CNTNAP5: variants seen among roughly 807,000 people sequenced by gnomAD.
The protein encoded by CNTNAP5 is contactin-associated protein-like 5.
CNTNAP5 carries 72 observed loss-of-function variants against 150.2 expected under a neutral mutation model. The observed-to-expected ratio is 0.48, with a 90% CI of 0.40 to 0.58. CNTNAP5 has a LOEUF of 0.58. Ranked by LOEUF, CNTNAP5 falls within the 20% of genes least tolerant of loss-of-function variation. The probability of loss-of-function intolerance (pLI) is 0.00; values close to 1 mark genes in which losing one functional copy is unlikely to be tolerated. For missense variants in CNTNAP5, 1,636 were observed against 1,626.2 expected, an observed-to-expected ratio of 1.01 and a Z score of -0.10; for synonymous variants, 672 against 619.8, an observed-to-expected ratio of 1.08 and a Z score of -1.25.
intron 21 of CNTNAP5, among the ~76,000 whole-genome samples, chr2:124,888,038 A>G (rs1002700184): frequency 1.6e-4 from 25 of 152,106 alleles, no homozygotes; most frequent in African/African-American, 6.0e-4. Context: ...ATGATGCTCA[A>G]GTTTGGGATA....
chr2:124,710,183 T>C (rs1679777202), intron 13 of CNTNAP5, among the ~76,000 whole-genome samples: 1 of 152,238 alleles, frequency 6.6e-6, no homozygotes, highest in South Asian at 2.1e-4. Context: ...AGTGGGAATG[T>C]GGGACCCAGT....
At chr2:124,042,985 A>G (rs897377004) in intron 1 of CNTNAP5, among the ~76,000 whole-genome samples, 4 of 152,226 alleles carry the variant, frequency 2.6e-5, no homozygotes, top group Non-Finnish European at 1.5e-5. Context: ...TTAGATAATA[A>G]TCCTGGCTTT....
chr2:124,321,782 T>C (rs993416003), intron 3 of CNTNAP5, among the ~76,000 whole-genome samples: 2 of 152,158 alleles, frequency 1.3e-5, no homozygotes, highest in Non-Finnish European at 2.9e-5. Context: ...TCTTTTAAAA[T>C]ATAAAAAAAT....
intron 1 of CNTNAP5, among the ~76,000 whole-genome samples, chr2:124,202,006 C>T (rs890059296): frequency 6.6e-6 from 1 of 152,056 alleles, no homozygotes; most frequent in African/African-American, 2.4e-5. Flanking sequence ...GAGTCATATA[C>T]ATATTATATG....
intron 1 of CNTNAP5, among the ~76,000 whole-genome samples, chr2:124,074,686 T>A (rs930528147): frequency 6.6e-6 from 1 of 152,106 alleles, no homozygotes; most frequent in Admixed American, 6.6e-5. Flanking sequence ...TCTATATTTC[T>A]GAGTGGAGAA....
At chr2:124,774,611 A>T (rs538189656) in intron 17 of CNTNAP5, among the ~76,000 whole-genome samples, 4 of 152,164 alleles carry the variant, frequency 2.6e-5, no homozygotes, top group East Asian at 1.9e-4. Flanking sequence ...TCACATTTTG[A>T]TGGGTGACTT....
At chr2:124,805,120 G>C (rs1314643255) in intron 19 of CNTNAP5, among the ~76,000 whole-genome samples, 1 of 152,238 alleles carries the variant, frequency 6.6e-6, no homozygotes, top group Non-Finnish European at 1.5e-5. Flanking sequence ...GGGCCTGGAA[G>C]GGACATTACC....
chr2:124,479,703 G>A (rs143400405), intron 7 of CNTNAP5, among the ~76,000 whole-genome samples: 3 of 152,202 alleles, frequency 2.0e-5, no homozygotes, highest in African/African-American at 7.2e-5. Flanking sequence ...ATCACAAAAT[G>A]CCTTTTCTTT....
At chr2:124,233,770 G>A (rs988111971) in intron 2 of CNTNAP5, among the ~76,000 whole-genome samples, 1 of 141,384 alleles carries the variant, frequency 7.1e-6, no homozygotes, top group African/African-American at 2.6e-5. Context: ...GTCCATAGTT[G>A]TGATGCCTGT....
At chr2:124,203,186 CCA>C (rs1685771468) in intron 1 of CNTNAP5, among the ~76,000 whole-genome samples, 1 of 152,110 alleles carries the variant, frequency 6.6e-6, no homozygotes, top group South Asian at 2.1e-4. Flanking sequence ...CCATGCAAGT[CCA>C]AAATCCAGCA....
chr2:124,369,987 G>GA (rs1365784116), intron 3 of CNTNAP5, among the ~76,000 whole-genome samples: 1 of 151,936 alleles, frequency 6.6e-6, no homozygotes, highest in African/African-American at 2.4e-5. Flanking sequence ...AAGGTTGTTG[G>GA]AAAAAAACAG....
At position 124,914,496 on chromosome 2, in the gene CNTNAP5, C is replaced by A. The variant is rs905597447; in HGVS notation, c.*208C>A. On this transcript the variant is annotated 3_prime_UTR_variant, in exon 24 of 24. Transcript: ENST00000682447. Reference sequence around the variant, plus strand: ...GGCCACTGCCTTCCTCTCTGATGAACCTATCGGGTGAAAACGACCACTCAA... The same window carrying A: ...GGCCACTGCCTTCCTCTCTGATGAAACTATCGGGTGAAAACGACCACTCAA... The A allele has an allele frequency of 2.4e-5, 13 of 549,550 alleles. No individual in the cohort carries two copies. The highest frequency in any genetic ancestry group is 1.7e-4 in the African/African-American group (9 of 52,550). 34.0% of individuals were successfully genotyped at this position (549,550 alleles called of 1,614,324 possible).
In CNTNAP5 at chr2:124,649,328, A is replaced by T. The variant is rs372611419; in HGVS notation, c.2077+1370A>T. Among the ~76,000 whole-genome samples, 81 of 152,102 alleles carry T rather than the reference A, an allele frequency of 5.3e-4. 1 individual carries two copies. In the South Asian group the frequency reaches 0.011, roughly 20 times the overall value. On this transcript the variant is annotated intron_variant, in intron 13 of 23. Transcript: ENST00000682447. ...CCTGCCAGAGTCAATGTTTATATTTATGTGTGTTTCTCTCTCCATGTCTGT... is the reference window on the plus strand; with the variant it reads ...CCTGCCAGAGTCAATGTTTATATTTTTGTGTGTTTCTCTCTCCATGTCTGT...
At chr2:124,096,792 C>T (rs1682943947) in intron 1 of CNTNAP5, among the ~76,000 whole-genome samples, 1 of 152,100 alleles carries the variant, frequency 6.6e-6, no homozygotes, top group Non-Finnish European at 1.5e-5. Context: ...CAACCTCCAT[C>T]TCCCGGGTTC....
intron 11 of CNTNAP5, among the ~76,000 whole-genome samples, chr2:124,599,628 A>G (rs1341444656): frequency 6.6e-6 from 1 of 152,222 alleles, no homozygotes; most frequent in Non-Finnish European, 1.5e-5. Context: ...CTTTGGAGAA[A>G]TAGAAGTACC....
chr2:124,214,994 G>C (rs1171205451), intron 1 of CNTNAP5, among the ~76,000 whole-genome samples: 1 of 152,108 alleles, frequency 6.6e-6, no homozygotes, highest in Non-Finnish European at 1.5e-5. Flanking sequence ...AATGGGGGCA[G>C]GGTCAGATTC....
Position 124,839,636 on chromosome 2 carries a change from A to T in CNTNAP5, c.3218-25670A>T, listed in dbSNP as rs961905875. The stretch of plus-strand genomic sequence containing the variant: ...TTTCCTTTTGATTTTTCTAAAATAC[A>T]TTTTAGACTACTCTGTTCTTAAGAA... On this transcript the variant is annotated intron_variant, in intron 19 of 23. Transcript: ENST00000682447. 5.9e-5 allele frequency among the ~76,000 whole-genome samples: 9 copies of T among 152,030 alleles called. No homozygotes were observed. The East Asian group carries it at 7.7e-4, about 13-fold the overall frequency.
chr2:124,837,597 C>A (rs1165100952), intron 19 of CNTNAP5, among the ~76,000 whole-genome samples: 3 of 152,102 alleles, frequency 2.0e-5, no homozygotes, highest in Non-Finnish European at 4.4e-5. Context: ...TTATTTGGGT[C>A]ATTTTTTGCT....
At chr2:124,096,261 A>AT (rs1176277780) in intron 1 of CNTNAP5, among the ~76,000 whole-genome samples, 5 of 152,052 alleles carry the variant, frequency 3.3e-5, no homozygotes, top group African/African-American at 1.2e-4. Context: ...ATTAGCCTGA[A>AT]TTTTTTTCAT....
Sources: gnomAD v4.1 joint callset for allele counts (sites outside exome capture counted in the v4.1 genomes callset) on GRCh38, gnomAD v4.1.1 for gene constraint, MANE v1.5 for transcripts, NCBI Gene and HGNC (gene_info 2026-07-23, HGNC 2026-07-21) for gene names.